SNX2: variants seen among roughly 807,000 people sequenced by gnomAD.
The protein encoded by SNX2 is sorting nexin 2, also known as sorting nexin-2.
SNX2 carries 25 observed loss-of-function variants against 69.9 expected under a neutral mutation model. The ratio of observed to expected loss-of-function variants is 0.36; its 90% confidence interval spans 0.26 to 0.50. The LOEUF is 0.50. Among genes scored for constraint, SNX2 ranks in the 20% least tolerant of loss-of-function variants. SNX2 has a pLI of 0.97. For missense variants in SNX2, 551 were observed against 613.3 expected (o/e 0.90, Z 1.07); for synonymous variants, 229 against 200.4 (o/e 1.14, Z -1.20).
chr5:122,782,216 C>T (rs1403565214), intron 1 of SNX2, among the ~76,000 whole-genome samples: 1 of 151,836 alleles, frequency 6.6e-6, no homozygotes, highest in South Asian at 2.1e-4. Flanking sequence ...GTTATGTGTC[C>T]TTTTACATCT....
intron 6 of SNX2, among the ~76,000 whole-genome samples, chr5:122,806,142 G>GCGCGCACGCGCACACACACACACA: frequency 7.7e-6 from 1 of 130,584 alleles, no homozygotes; most frequent in African/African-American, 2.9e-5. Context: ...ACACGCGCGC[G>GCGCGCACGCGCACACACACACACA]CACACACACA....
At chr5:122,775,611 AG>A in intron 1 of SNX2, 1 of 989,284 alleles carries the variant, frequency 1.0e-6, no homozygotes, top group Non-Finnish European at 1.2e-6. Flanking sequence ...TTCCAGAGGG[AG>A]GGTGTGCCGC....
Position 122,831,466 on chromosome 5 carries a change from C to G in SNX2, c.*1818C>G, listed in dbSNP as rs1463996673. ...CCCACTAACCTACAGCCAGCCTGGA[C>G]AACATAGTGAGACCCTGTCTCTAAA... is the stretch of plus-strand genomic sequence containing the variant. On this transcript the variant is annotated 3_prime_UTR_variant, in exon 15 of 15. Transcript: ENST00000379516. Among the ~76,000 whole-genome samples, 1 of 152,006 alleles carries G rather than the reference C, an allele frequency of 6.6e-6. No homozygotes were observed. The highest frequency in any genetic ancestry group is 2.4e-5 in the African/African-American group (1 of 41,372).
chr5:122,817,034 A>C lies in SNX2; in HGVS notation c.912+6A>C. 1.9e-6 allele frequency: 3 copies of C among 1,603,760 alleles called. No individual in the cohort carries two copies. The highest frequency in any genetic ancestry group is 2.6e-6 in the Non-Finnish European group (3 of 1,170,942). ...AGATGAATGAATCGGATGCAGTAAGAGCTGATTTTTCGGCTTGAATAATGA... is the reference window on the plus strand; with the variant it reads ...AGATGAATGAATCGGATGCAGTAAGCGCTGATTTTTCGGCTTGAATAATGA... On this transcript the variant is annotated splice_donor_region_variant and intron_variant, in intron 9 of 14. Coordinates refer to ENST00000379516, the MANE Select transcript of SNX2 (RefSeq NM_003100.4).
At chr5:122,802,947 G>A (rs961866071) in intron 5 of SNX2, among the ~76,000 whole-genome samples, 5 of 151,988 alleles carry the variant, frequency 3.3e-5, no homozygotes, top group Non-Finnish European at 7.4e-5. Context: ...AGGCAACACG[G>A]GCAGGAACAC....
rs147504712 is a variant in SNX2 at position 122,788,219 on chromosome 5, T to A, written c.109-7047T>A. Among the ~76,000 whole-genome samples, 333 of 152,366 alleles carry A rather than the reference T, an allele frequency of 2.2e-3. 1 individual carries two copies. The highest frequency in any genetic ancestry group is 7.8e-3 in the African/African-American group (325 of 41,592). The stretch of plus-strand genomic sequence containing the variant: ...AGTGTTATTCCACTGTTTTGTAGCC[T>A]TTGTGGTTTCTGATGAGAAATCCAC... On this transcript the variant is annotated intron_variant, in intron 1 of 14. Transcript: ENST00000379516.
chr5:122,789,618 AAG>A (rs904603874), intron 1 of SNX2, among the ~76,000 whole-genome samples: 18 of 152,112 alleles, frequency 1.2e-4, no homozygotes, highest in Admixed American at 9.2e-4. Context: ...TGCAAGAGAA[AAG>A]AGGGGGAAAA....
rs1388131523 is a variant in SNX2, at chr5:122,808,574, C to CG, written c.722+219_722+220insG. ...ATTTTTAGTAATCCTCATCAATAGT[C>CG]TAACAAAATAACACTTGTTTTTCTA... On this transcript the variant is annotated intron_variant, in intron 7 of 14. Coordinates refer to ENST00000379516, the MANE Select transcript of SNX2 (RefSeq NM_003100.4). The CG allele has an allele frequency of 2.7e-5, 10 of 374,902 alleles. No homozygotes were observed. In the Admixed American group the frequency reaches 3.9e-4, roughly 14 times the overall value. 23.2% of individuals were successfully genotyped at this position (374,902 alleles called of 1,614,324 possible). A position where few individuals can be genotyped will look rare whatever the true frequency, so the allele number is the denominator to read the frequency against.
chr5:122,797,883 T>A (rs936313896), intron 2 of SNX2, among the ~76,000 whole-genome samples: 3 of 152,204 alleles, frequency 2.0e-5, no homozygotes, highest in African/African-American at 4.8e-5. Flanking sequence ...AGATTATATA[T>A]ATATGTTGAA....
At chr5:122,789,454 C>CAG (rs1753172199) in intron 1 of SNX2, among the ~76,000 whole-genome samples, 1 of 117,160 alleles carries the variant, frequency 8.5e-6, no homozygotes, top group African/African-American at 3.6e-5. Flanking sequence ...CACACACACA[C>CAG]ACACACACAG....
chr5:122,804,365 CTTTTTTTT>C (rs1284102957), intron 6 of SNX2, among the ~76,000 whole-genome samples: 1 of 135,762 alleles, frequency 7.4e-6, no homozygotes, highest in South Asian at 2.4e-4. Context: ...AACATTTCTA[CTTTTTTTT>C]TTTTTTTTTT....
intron 14 of SNX2, chr5:122,827,970 C>T (rs1315475460): frequency 3.9e-5 from 8 of 206,726 alleles, no homozygotes; most frequent in Admixed American, 1.7e-4. Context: ...AGTAAATTCT[C>T]ATAGTAAGTT....
upstream of SNX2, chr5:122,775,077 C>G (rs1427137759): frequency 6.4e-7 from 1 of 1,563,398 alleles, no homozygotes; most frequent in Non-Finnish European, 8.7e-7. Context: ...CGAGGCCCAG[C>G]TCGCGCAGTC....
rs1752898291 is a variant in SNX2 at position 122,778,308 on chromosome 5, T to C, written c.108+3097T>C. 2.0e-5 allele frequency among the ~76,000 whole-genome samples: 3 copies of C among 152,188 alleles called. No individual in the cohort carries two copies. In the South Asian group the frequency reaches 6.2e-4, roughly 32 times the overall value. Reference sequence around the variant, plus strand: ...TGGGGGCACAGATATCGCCAACATATTTATTTCCTTTCCTTTGGATATTTA... The same window carrying C: ...TGGGGGCACAGATATCGCCAACATACTTATTTCCTTTCCTTTGGATATTTA... On this transcript the variant is annotated intron_variant, in intron 1 of 14. Coordinates refer to ENST00000379516, the MANE Select transcript of SNX2 (RefSeq NM_003100.4).
chr5:122,789,369 G>GT (rs1185565108), intron 1 of SNX2, among the ~76,000 whole-genome samples: 2 of 151,810 alleles, frequency 1.3e-5, no homozygotes, highest in Non-Finnish European at 2.9e-5. Flanking sequence ...CCCTTCTCCA[G>GT]TTTTTTCTCT....
At chr5:122,797,876 T>TTA (rs947879742) in intron 2 of SNX2, among the ~76,000 whole-genome samples, 10 of 98,192 alleles carry the variant, frequency 1.0e-4, no homozygotes, top group South Asian at 5.5e-4. Context: ...TTAAGACAGA[T>TTA]TATATATATA....
chr5:122,828,029 TA>T (rs11354397), intron 14 of SNX2: 32,670 of 151,694 alleles, frequency 0.22, 3,819 homozygotes, highest in East Asian at 0.46. Context: ...TTTTCAGAAT[TA>T]AAAAAAAAAA....
chr5:122,814,118 G>GT (rs1025583519), intron 7 of SNX2, among the ~76,000 whole-genome samples: 14 of 152,194 alleles, frequency 9.2e-5, no homozygotes, highest in Admixed American at 3.3e-4. Context: ...GTTTTTGTTT[G>GT]TTTTTTACAA....
chr5:122,808,127 A>G, intron 6 of SNX2, 150 bp from the exon 7 acceptor site: 1 of 511,162 alleles, frequency 2.0e-6, no homozygotes, highest in Non-Finnish European at 3.5e-6. Flanking sequence ...AATTCCTCAA[A>G]ACGTTTTTGC....
Sources: allele counts gnomAD v4.1 joint callset (sites outside exome capture counted in the v4.1 genomes callset), GRCh38; gene constraint gnomAD v4.1.1; transcripts MANE v1.5; gene names NCBI Gene and HGNC (gene_info 2026-07-23, HGNC 2026-07-21).